ZNF469: variants seen among roughly 807,000 people sequenced by gnomAD.
ZNF469 encodes zinc finger protein 469.
In ZNF469, 1 loss-of-function variant was observed where a neutral mutation model predicts 1.0. That is an observed-to-expected ratio of 1.00 (90% CI 0.35 to 4.73). The LOEUF (loss-of-function observed/expected upper bound fraction) is 4.73. Among genes scored for constraint, ZNF469 ranks in the 30% most tolerant of loss-of-function variants. The probability of loss-of-function intolerance (pLI) is 0.16; values close to 1 mark genes in which losing one functional copy is unlikely to be tolerated. For missense variants in ZNF469, 6,100 were observed against 5,356.3 expected (o/e 1.14, Z -4.33); for synonymous variants, 2,703 against 2,363.4 (o/e 1.14, Z -4.17).
In ZNF469 at chr16:88,427,424, G is replaced by T; in HGVS notation, c.-47G>T. On this transcript the variant is annotated 5_prime_UTR_variant, in exon 3 of 3. Coordinates refer to ENST00000565624, the MANE Select transcript of ZNF469 (RefSeq NM_001367624.2). ...ATGGCCGTCCAGCCCACTCCCCAGG[G>T]CCCCCCTCGGACAGCTGCGTCGTCC... The T allele has an allele frequency of 6.9e-7, 1 of 1,443,128 alleles. No individual in the cohort carries two copies. The allele number at this position is 1,443,128 out of a possible 1,614,324, so 89.4% of individuals were successfully genotyped here.
intron 1 of ZNF469, among the ~76,000 whole-genome samples, chr16:88,411,637 G>A (rs533016953): frequency 6.6e-6 from 1 of 152,264 alleles, no homozygotes; most frequent in South Asian, 2.1e-4. Flanking sequence ...GCCCCAGGAA[G>A]CTGGAGACAG....
At chr16:88,148,017 G>A in the ZNF469 span, among the ~76,000 whole-genome samples, 31 of 151,524 alleles carry the variant, frequency 2.0e-4, no homozygotes, top group Admixed American at 1.2e-3. Flanking sequence ...AGCTTCCTTC[G>A]TCGTTGTGTG....
the ZNF469 span, among the ~76,000 whole-genome samples, chr16:88,209,962 T>C: frequency 6.6e-6 from 1 of 152,232 alleles, no homozygotes; most frequent in Non-Finnish European, 1.5e-5. Flanking sequence ...GATGCAAAAC[T>C]AAACTCTTCC....
chr16:88,106,433 CT>C, the ZNF469 span, among the ~76,000 whole-genome samples: 1 of 152,002 alleles, frequency 6.6e-6, no homozygotes, highest in Non-Finnish European at 1.5e-5. Context: ...CTAGAGCTTT[CT>C]TTTGGTGTCA....
chr16:88,167,701 C>G, the ZNF469 span, among the ~76,000 whole-genome samples: 28 of 152,168 alleles, frequency 1.8e-4, no homozygotes, highest in Admixed American at 1.6e-3. Context: ...GTTTCCTCAT[C>G]TCTCTGGTCA....
the ZNF469 span, among the ~76,000 whole-genome samples, chr16:88,167,067 T>C: frequency 7.2e-6 from 1 of 139,638 alleles, no homozygotes; most frequent in Admixed American, 7.0e-5. Context: ...TTTTTTTTTT[T>C]TTTTTTTTTT....
At chr16:88,351,461 T>C in the ZNF469 span, among the ~76,000 whole-genome samples, 1 of 152,002 alleles carries the variant, frequency 6.6e-6, no homozygotes, top group Non-Finnish European at 1.5e-5. Flanking sequence ...GCCCTGGGCC[T>C]GTGGGATTGT....
At chr16:88,198,544 A>G in the ZNF469 span, among the ~76,000 whole-genome samples, 85,689 of 152,102 alleles carry the variant, frequency 0.56, 24,526 homozygotes, top group Admixed American at 0.64. Context: ...TTTAAATTGT[A>G]TTTAATTCTT....
chr16:88,301,624 C>T, the ZNF469 span, among the ~76,000 whole-genome samples: 52 of 152,348 alleles, frequency 3.4e-4, no homozygotes, highest in African/African-American at 1.1e-3. Flanking sequence ...TTTGTAGCCA[C>T]GTCCAGGAAT....
the ZNF469 span, among the ~76,000 whole-genome samples, chr16:88,213,052 G>T: frequency 6.6e-6 from 1 of 151,652 alleles, no homozygotes; most frequent in Non-Finnish European, 1.5e-5. Flanking sequence ...TTGATACTGG[G>T]GGTGGTAATT....
At chr16:88,365,667 C>G in the ZNF469 span, among the ~76,000 whole-genome samples, 2 of 152,222 alleles carry the variant, frequency 1.3e-5, no homozygotes, top group Non-Finnish European at 2.9e-5. Flanking sequence ...CACTTGCTGC[C>G]AGAGGGTCCT....
chr16:88,391,644 G>A (rs1904495302), intron 1 of ZNF469, among the ~76,000 whole-genome samples: 1 of 152,240 alleles, frequency 6.6e-6, no homozygotes, highest in African/African-American at 2.4e-5. Flanking sequence ...TGGGGCCGGG[G>A]GACAGGAGGC....
the ZNF469 span, among the ~76,000 whole-genome samples, chr16:88,261,610 G>C: frequency 6.6e-6 from 1 of 152,202 alleles, no homozygotes; most frequent in Non-Finnish European, 1.5e-5. This position sits in a 1 kb window ranked among gnomAD's most constrained non-coding sequence, Gnocchi z 6.0. Flanking sequence ...TTGGTGGATT[G>C]AGAACCTGGA....
chr16:88,188,389 C>T, the ZNF469 span, among the ~76,000 whole-genome samples: 2 of 151,078 alleles, frequency 1.3e-5, no homozygotes, highest in African/African-American at 4.9e-5. Context: ...TACTGTCATC[C>T]TGGGGGCCTG....
chr16:88,262,970 C>T, the ZNF469 span, among the ~76,000 whole-genome samples: 6 of 152,182 alleles, frequency 3.9e-5, no homozygotes, highest in African/African-American at 4.8e-5. This position sits in a 1 kb window ranked among gnomAD's most constrained non-coding sequence, Gnocchi z 4.3. Context: ...AGTGGAGGAG[C>T]GTTTCATTAG....
the ZNF469 span, among the ~76,000 whole-genome samples, chr16:88,247,759 GAGTGAATGAGTC>G: frequency 3.0e-4 from 45 of 152,308 alleles, no homozygotes; most frequent in Non-Finnish European, 5.1e-4. Flanking sequence ...ATGAGTCAGT[GAGTGAATGAGTC>G]AGTGAATGAG....
the ZNF469 span, among the ~76,000 whole-genome samples, chr16:88,316,942 G>C: frequency 6.6e-6 from 1 of 152,172 alleles, no homozygotes; most frequent in African/African-American, 2.4e-5. Flanking sequence ...GAAAACTCCA[G>C]ATCCCACGCG....
At chr16:88,408,594 C>T (rs939619048) in intron 1 of ZNF469, among the ~76,000 whole-genome samples, 2 of 151,868 alleles carry the variant, frequency 1.3e-5, no homozygotes, top group African/African-American at 4.8e-5. Context: ...TCAGGAATGC[C>T]CTCCCAGACT....
At chr16:88,121,777 C>A in the ZNF469 span, among the ~76,000 whole-genome samples, 1 of 152,216 alleles carries the variant, frequency 6.6e-6, no homozygotes, top group Admixed American at 6.5e-5. Context: ...TGTGCAAATA[C>A]TCGCCCACTA....
Sources: allele counts gnomAD v4.1 joint callset (sites outside exome capture counted in the v4.1 genomes callset), GRCh38; gene constraint gnomAD v4.1.1; non-coding constraint Gnocchi (gnomAD v3.1); transcripts MANE v1.5; gene names NCBI Gene and HGNC (gene_info 2026-07-23, HGNC 2026-07-21).